XIRP2: variants seen among roughly 807,000 people sequenced by gnomAD.
The protein encoded by XIRP2 is xin actin-binding repeat-containing protein 2.
In XIRP2, 236 loss-of-function variants were observed where a neutral mutation model predicts 277.0. The observed-to-expected ratio is 0.85, with a 90% CI of 0.77 to 0.95. The LOEUF (loss-of-function observed/expected upper bound fraction) is 0.95, where lower values mean the gene tolerates loss of function less well. Ranked by LOEUF, XIRP2 falls within the 40% of genes least tolerant of loss-of-function variation. The probability of loss-of-function intolerance (pLI) is 0.00; values close to 1 mark genes in which losing one functional copy is unlikely to be tolerated. For missense variants in XIRP2, 4,640 were observed against 4,157.5 expected, an observed-to-expected ratio of 1.12 and a Z score of -3.19; for synonymous variants, 1,490 against 1,416.5, an observed-to-expected ratio of 1.05 and a Z score of -1.17.
At chr2:167,137,521 C>T (rs917674752) in intron 3 of XIRP2, among the ~76,000 whole-genome samples, 4 of 151,488 alleles carry the variant, frequency 2.6e-5, no homozygotes, top group Non-Finnish European at 4.4e-5. Flanking sequence ...GCAAACTGAT[C>T]GAAGTTACAT....
chr2:166,975,782 C>T (rs1202035886), intron 2 of XIRP2, among the ~76,000 whole-genome samples: 1 of 151,384 alleles, frequency 6.6e-6, no homozygotes, highest in Non-Finnish European at 1.5e-5. Context: ...AAAAATTAGC[C>T]GGGCGTGGTG....
chr2:167,210,695 G>A, intron 3 of XIRP2, 40 bp from the exon 4 acceptor site: 2 of 1,606,698 alleles, frequency 1.2e-6, no homozygotes, highest in Non-Finnish European at 1.7e-6. Context: ...TCTTCTTAAA[G>A]CTTAACACAC....
chr2:167,051,643 G>A (rs953600965), intron 2 of XIRP2, among the ~76,000 whole-genome samples: 1 of 152,002 alleles, frequency 6.6e-6, no homozygotes, highest in Non-Finnish European at 1.5e-5. Flanking sequence ...ATGTTAACAT[G>A]TAGATAAATT....
At chr2:166,944,934 A>C (rs1457277136) in intron 2 of XIRP2, among the ~76,000 whole-genome samples, 1 of 151,916 alleles carries the variant, frequency 6.6e-6, no homozygotes, top group African/African-American at 2.4e-5. Flanking sequence ...CTGGTTCCTG[A>C]GGTATCTTCC....
In XIRP2 at chr2:167,258,370, T is replaced by C; in HGVS notation, c.*553T>C. ...TGCAGCCTTATCTACAGTCCACCCA[T>C]GTTTGTCAGAAAGAGGATGTTATAG... On this transcript the variant is annotated 3_prime_UTR_variant, in exon 11 of 11. Transcript: ENST00000409195. 1 of 1,613,168 alleles carries C rather than the reference T, an allele frequency of 6.2e-7. No homozygotes were observed. Among genetic ancestry groups the C allele is most frequent in the Non-Finnish European group, 8.5e-7 (1 of 1,179,592 alleles).
chr2:166,982,116 T>G (rs1011930006), intron 2 of XIRP2, among the ~76,000 whole-genome samples: 11 of 152,256 alleles, frequency 7.2e-5, no homozygotes, highest in African/African-American at 2.6e-4. Context: ...TCAATGAACA[T>G]AGAATTTTGG....
chr2:167,095,001 G>A (rs142971750), intron 2 of XIRP2, among the ~76,000 whole-genome samples: 92 of 152,186 alleles, frequency 6.0e-4, no homozygotes, highest in African/African-American at 2.0e-3. Flanking sequence ...TTTGAGTGAT[G>A]ATTTGTAATT....
intron 5 of XIRP2, among the ~76,000 whole-genome samples, chr2:167,219,965 G>A (rs571401184): frequency 2.0e-5 from 3 of 152,234 alleles, no homozygotes; most frequent in African/African-American, 7.2e-5. Flanking sequence ...AAATATTACA[G>A]GTTTACAAAA....
intron 3 of XIRP2, among the ~76,000 whole-genome samples, chr2:167,146,549 A>T (rs1037977581): frequency 2.0e-5 from 3 of 152,058 alleles, no homozygotes; most frequent in African/African-American, 7.2e-5. Flanking sequence ...AGAGAATAGA[A>T]TATAAAGCAG....
At chr2:167,074,844 C>G (rs1008463167) in intron 2 of XIRP2, among the ~76,000 whole-genome samples, 1 of 152,114 alleles carries the variant, frequency 6.6e-6, no homozygotes, top group African/African-American at 2.4e-5. Context: ...AAGCTGGTCT[C>G]AAACTCCTGA....
chr2:166,952,301 A>C (rs1010260885), intron 2 of XIRP2, among the ~76,000 whole-genome samples: 28 of 151,980 alleles, frequency 1.8e-4, no homozygotes, highest in African/African-American at 6.5e-4. Context: ...TTCTTTACCA[A>C]ATGTCTTTTA....
At chr2:166,995,116 G>A (rs1315990645) in intron 2 of XIRP2, among the ~76,000 whole-genome samples, 2 of 151,962 alleles carry the variant, frequency 1.3e-5, no homozygotes, top group Admixed American at 1.3e-4. Context: ...TCTTGACCTC[G>A]TGATCCCCCC....
chr2:167,199,613 A>G (rs1693620222), intron 3 of XIRP2, among the ~76,000 whole-genome samples: 2 of 152,172 alleles, frequency 1.3e-5, no homozygotes. Context: ...TCTGGAGGCC[A>G]TAATTGTTTT....
chr2:167,166,451 T>C (rs565143776), intron 3 of XIRP2, among the ~76,000 whole-genome samples: 1 of 152,328 alleles, frequency 6.6e-6, no homozygotes, highest in African/African-American at 2.4e-5. Context: ...CATAAAGTAG[T>C]CTATAGATAT....
chr2:166,958,085 A>G (rs1307398453), intron 2 of XIRP2, among the ~76,000 whole-genome samples: 5 of 151,832 alleles, frequency 3.3e-5, no homozygotes, highest in Admixed American at 3.3e-4. Flanking sequence ...TGCCCTTGAA[A>G]TGTGAGCGAC....
chr2:167,259,200 T>C lies in XIRP2; in HGVS notation c.*1383T>C, dbSNP rs3749006. The C allele has an allele frequency of 2.6e-4, 412 of 1,613,374 alleles. 6 individuals are homozygous for C. The South Asian group carries it at 4.3e-3, about 17-fold the overall frequency. ...GGAAAGGATGTTAAACCTTGGCATG[T>C]TGAAACAACAGAAGCTGCCCGCAAT... On this transcript the variant is annotated 3_prime_UTR_variant, in exon 11 of 11. Coordinates refer to ENST00000409195, the MANE Select transcript of XIRP2 (RefSeq NM_152381.6).
intron 2 of XIRP2, among the ~76,000 whole-genome samples, chr2:167,115,405 A>C (rs142034493): frequency 6.7e-4 from 102 of 152,228 alleles, no homozygotes; most frequent in African/African-American, 2.3e-3. Context: ...TAATGCATTC[A>C]TTTAGAGGAA....
In XIRP2 at chr2:167,084,726, C is replaced by T. The variant is rs1439332996; in HGVS notation, c.409-51183C>T. On this transcript the variant is annotated intron_variant, in intron 2 of 10. Coordinates refer to ENST00000409195, the MANE Select transcript of XIRP2 (RefSeq NM_152381.6). The stretch of plus-strand genomic sequence containing the variant: ...TCTGCTAGATTTTCTAGTTTATTTG[C>T]GTAGAGGTGTTTGTAGTATTCTCTG... 2.8e-3 allele frequency among the ~76,000 whole-genome samples: 431 copies of T among 151,452 alleles called. 1 individual carries two copies. The highest frequency in any genetic ancestry group is 9.8e-3 in the African/African-American group (407 of 41,406).
Position 167,251,439 on chromosome 2 carries a change from G to A in XIRP2, c.10047G>A (p.Lys3349=). The change falls in exon 9 of 11, where the codon AAG becomes AAA. Residue 3349 remains lysine (K), a synonymous_variant. Coordinates refer to ENST00000409195, the MANE Select transcript of XIRP2 (RefSeq NM_152381.6). ...AGCATGGCCCAGTTTCTGAAGCAAA[G>A]TCAAATAGAAGAGTTTATGCAAAGG... ...EFEHGPVSEA[K]SNRRVYAKGE... 6.2e-7 allele frequency: 1 copy of A among 1,613,612 alleles called. No homozygotes were observed. Among genetic ancestry groups the A allele is most frequent in the Non-Finnish European group, 8.5e-7 (1 of 1,179,678 alleles).
Sources: gnomAD v4.1 joint callset for allele counts (sites outside exome capture counted in the v4.1 genomes callset) on GRCh38, gnomAD v4.1.1 for gene constraint, MANE v1.5 for transcripts, NCBI Gene and HGNC (gene_info 2026-07-23, HGNC 2026-07-21) for gene names.